Variants in ACER1 observed in about 807,000 individuals in gnomAD.
The protein encoded by ACER1 is alkaline ceramidase 1, also known as CTB-180A7.3.
A neutral mutation model predicts 24.9 loss-of-function variants in ACER1; 28 were observed. The ratio of observed to expected loss-of-function variants is 1.13; its 90% CI spans 0.83 to 1.54. The LOEUF is 1.54. Among genes scored for constraint, ACER1 ranks in the 40% most tolerant of loss-of-function variants. The probability of loss-of-function intolerance (pLI) is 0.00; values close to 1 mark genes in which losing one functional copy is unlikely to be tolerated. For missense variants in ACER1, 352 were observed against 349.3 expected, an observed-to-expected ratio of 1.01 and a Z score of -0.06; for synonymous variants, 132 against 131.4, an observed-to-expected ratio of 1.00 and a Z score of -0.03.
At chr19:6,340,287 AGAAAGAAGGAAG>A in the ACER1 span, among the ~76,000 whole-genome samples, 2 of 130,552 alleles carry the variant, frequency 1.5e-5, no homozygotes, top group Non-Finnish European at 3.2e-5. Flanking sequence ...CTCCAAAAAA[AGAAAGAAGGAAG>A]GAAGGAAGGA....
upstream of ACER1, among the ~76,000 whole-genome samples, chr19:6,334,661 T>C (rs1481566380): frequency 6.6e-6 from 1 of 152,098 alleles, no homozygotes; most frequent in Non-Finnish European, 1.5e-5. Context: ...TTCCTCTACT[T>C]TAAGCTGTGT....
chr19:6,318,267 C>T (rs1039706129), intron 1 of ACER1, among the ~76,000 whole-genome samples: 1 of 151,914 alleles, frequency 6.6e-6, no homozygotes, highest in Non-Finnish European at 1.5e-5. Flanking sequence ...GTCGGGAGTT[C>T]GAGACCAGCC....
intron 1 of ACER1, among the ~76,000 whole-genome samples, chr19:6,320,799 G>A (rs2091626581): frequency 6.6e-6 from 1 of 152,068 alleles, no homozygotes; most frequent in Non-Finnish European, 1.5e-5. Flanking sequence ...TCTGTAAAAT[G>A]GGGAGCATAA....
Position 6,311,048 on chromosome 19 carries a change from C to T in ACER1, c.350+1101G>A, listed in dbSNP as rs114810285. On this transcript the variant is annotated intron_variant, in intron 3 of 5. Coordinates refer to ENST00000301452, the MANE Select transcript of ACER1 (RefSeq NM_133492.3). ...GAGGGTCCCAGGGAGCCTGGGAGAGCGTGATGGTTTCCAGGGCCCAGGTGA... is the reference window on the plus strand; with the variant it reads ...GAGGGTCCCAGGGAGCCTGGGAGAGTGTGATGGTTTCCAGGGCCCAGGTGA... Among the ~76,000 whole-genome samples, 321 of 151,826 alleles carry T rather than the reference C, an allele frequency of 2.1e-3. 2 individuals carry two copies. Among genetic ancestry groups the T allele is most frequent in the African/African-American group, 7.3e-3 (302 of 41,422 alleles).
At chr19:6,355,227 C>G in the ACER1 span, among the ~76,000 whole-genome samples, 60 of 152,178 alleles carry the variant, frequency 3.9e-4, no homozygotes, top group Admixed American at 5.9e-4. Context: ...GAGATTGCAG[C>G]CTCTGCCCGG....
At chr19:6,320,484 T>C (rs2145007691) in intron 1 of ACER1, among the ~76,000 whole-genome samples, 1 of 152,184 alleles carries the variant, frequency 6.6e-6, no homozygotes, top group East Asian at 1.9e-4. Flanking sequence ...GGCTAATTTT[T>C]GTATTTTTAG....
chr19:6,318,125 T>C (rs1900909668), intron 1 of ACER1, among the ~76,000 whole-genome samples: 1 of 151,368 alleles, frequency 6.6e-6, no homozygotes, highest in Non-Finnish European at 1.5e-5. Context: ...ATCGAGACCA[T>C]CCTGGCTAAC....
At chr19:6,344,095 G>A in the ACER1 span, 43 of 152,052 alleles carry the variant, frequency 2.8e-4, no homozygotes, top group African/African-American at 9.9e-4. Context: ...TCAGGAGTTC[G>A]AGACCAGCCT....
At chr19:6,350,180 G>A in the ACER1 span, among the ~76,000 whole-genome samples, 1 of 150,302 alleles carries the variant, frequency 6.7e-6, no homozygotes, top group East Asian at 1.9e-4. Context: ...GGGAGGGGAG[G>A]GAAGGGTCCG....
At chr19:6,308,390 G>A (rs561448439) in intron 4 of ACER1, among the ~76,000 whole-genome samples, 5 of 144,702 alleles carry the variant, frequency 3.5e-5, no homozygotes, top group South Asian at 2.2e-4. Context: ...AGCCGGGATC[G>A]CACCATTGCA....
chr19:6,336,402 G>A (rs2091714283), upstream of ACER1, among the ~76,000 whole-genome samples: 1 of 152,180 alleles, frequency 6.6e-6, no homozygotes, highest in Non-Finnish European at 1.5e-5. Flanking sequence ...GATAGAGACA[G>A]GCAAGGAACA....
chr19:6,356,005 C>A, the ACER1 span, among the ~76,000 whole-genome samples: 1 of 151,606 alleles, frequency 6.6e-6, no homozygotes, highest in Non-Finnish European at 1.5e-5. Context: ...GCCATGATGA[C>A]AATGGCGGTT....
At chr19:6,350,638 A>G in the ACER1 span, among the ~76,000 whole-genome samples, 2 of 127,478 alleles carry the variant, frequency 1.6e-5, no homozygotes, top group African/African-American at 2.9e-5. Context: ...AGGGAGGGAG[A>G]GAGGGAGGGA....
the ACER1 span, among the ~76,000 whole-genome samples, chr19:6,338,853 G>A: frequency 6.6e-6 from 1 of 151,490 alleles, no homozygotes; most frequent in African/African-American, 2.4e-5. Flanking sequence ...AGAATTACAT[G>A]TGTGAGCCAC....
intron 3 of ACER1, among the ~76,000 whole-genome samples, chr19:6,310,592 G>A (rs1375322367): frequency 6.6e-6 from 1 of 151,192 alleles, no homozygotes; most frequent in Non-Finnish European, 1.5e-5. Context: ...AAGAAAAAGG[G>A]TCCTAGCCCG....
chr19:6,347,964 G>T, the ACER1 span, among the ~76,000 whole-genome samples: 1 of 150,778 alleles, frequency 6.6e-6, no homozygotes, highest in African/African-American at 2.4e-5. Flanking sequence ...CCAAGGTGGG[G>T]GGCGGATCAC....
At chr19:6,307,468 C>T (rs1481611907) in intron 4 of ACER1, among the ~76,000 whole-genome samples, 178 bp from the exon 5 acceptor site, 2 of 151,994 alleles carry the variant, frequency 1.3e-5, no homozygotes, top group Admixed American at 6.6e-5. Context: ...ACAGCATTTC[C>T]AGCACAACAG....
chr19:6,311,587 A>T lies in ACER1; in HGVS notation c.350+562T>A, dbSNP rs866441148. ...AGGAGGAGGAGGAAGAAAAAGAAGA[A>T]GGAGGAGGCGGAGAAGAAGAAGGAG... On this transcript the variant is annotated intron_variant, in intron 3 of 5. Coordinates refer to ENST00000301452, the MANE Select transcript of ACER1 (RefSeq NM_133492.3). 1.1e-4 allele frequency among the ~76,000 whole-genome samples: 17 copies of T among 150,406 alleles called. No homozygotes were observed. The South Asian group carries it at 3.3e-3, about 29-fold the overall frequency.
At chr19:6,357,821 G>A in the ACER1 span, among the ~76,000 whole-genome samples, 41 of 152,162 alleles carry the variant, frequency 2.7e-4, no homozygotes, top group African/African-American at 7.2e-4. Context: ...TAGTGAAGAA[G>A]AGACAGTAGG....
Sources: gnomAD v4.1 joint callset for allele counts (sites outside exome capture counted in the v4.1 genomes callset) on GRCh38, gnomAD v4.1.1 for gene constraint, MANE v1.5 for transcripts, NCBI Gene and HGNC (gene_info 2026-07-23, HGNC 2026-07-21) for gene names.